ROCK2: variants seen among roughly 807,000 people sequenced by gnomAD.
The protein encoded by ROCK2 is Rho associated coiled-coil containing protein kinase 2.
Under a neutral mutation model 195.1 loss-of-function variants are expected in ROCK2, and 61 were observed. That is an observed-to-expected ratio of 0.31 (90% CI 0.25 to 0.39). ROCK2 has a LOEUF of 0.39. ROCK2 is among the 10% of genes least tolerant of loss of function. The probability of loss-of-function intolerance (pLI) is 1.00; values close to 1 mark genes in which losing one functional copy is unlikely to be tolerated. For synonymous variants in ROCK2, 504 were observed against 545.5 expected (o/e 0.92, Z 1.06); for missense variants, 1,109 against 1,637.4 (o/e 0.68, Z 5.57).
At chr2:11,248,525 T>C (rs370319238) in intron 4 of ROCK2, among the ~76,000 whole-genome samples, 1 of 151,640 alleles carries the variant, frequency 6.6e-6, no homozygotes, top group South Asian at 2.1e-4. Flanking sequence ...CTGGCCAACA[T>C]GGCAAAAACC....
intron 30 of ROCK2, 79 bp downstream of exon 30, chr2:11,193,700 T>C (rs1663519389): frequency 1.4e-6 from 1 of 730,090 alleles, no homozygotes; most frequent in African/African-American, 1.8e-5. Flanking sequence ...ATTTAACATG[T>C]CATGTCACTT....
At chr2:11,285,053 G>A (rs1234411586) in intron 3 of ROCK2, among the ~76,000 whole-genome samples, 8 of 151,958 alleles carry the variant, frequency 5.3e-5, no homozygotes, top group African/African-American at 1.7e-4. Flanking sequence ...ACCTGAGGTC[G>A]GGAGTTCAAG....
At chr2:11,270,382 G>A (rs1039857727) in intron 3 of ROCK2, among the ~76,000 whole-genome samples, 1 of 152,056 alleles carries the variant, frequency 6.6e-6, no homozygotes, top group Admixed American at 6.5e-5. Flanking sequence ...GGGCTTTCTG[G>A]ATCTGTGGTT....
intron 5 of ROCK2, among the ~76,000 whole-genome samples, chr2:11,231,817 T>A (rs1313187333): frequency 6.6e-6 from 1 of 152,214 alleles, no homozygotes. Context: ...ATTTTAGTCC[T>A]TGTAAGTTTA....
At chr2:11,244,110 C>T (rs1572294949) in intron 4 of ROCK2, among the ~76,000 whole-genome samples, 2 of 152,086 alleles carry the variant, frequency 1.3e-5, no homozygotes, top group East Asian at 1.9e-4. Context: ...ATTGTGGACC[C>T]CAGTTGAGCA....
intron 1 of ROCK2, among the ~76,000 whole-genome samples, chr2:11,299,954 T>G (rs1667654596): frequency 6.6e-6 from 1 of 152,168 alleles, no homozygotes; most frequent in Non-Finnish European, 1.5e-5. Flanking sequence ...CTGTCTCTCT[T>G]TTGTCCACTC....
At chr2:11,212,974 CCTTTATT>C (rs1395279331) in intron 17 of ROCK2, among the ~76,000 whole-genome samples, 2 of 152,156 alleles carry the variant, frequency 1.3e-5, no homozygotes, top group African/African-American at 4.8e-5. Context: ...AGCTATTTTT[CCTTTATT>C]CTTTATTAAC....
chr2:11,340,926 G>C (rs941316141), intron 1 of ROCK2, among the ~76,000 whole-genome samples: 1 of 152,078 alleles, frequency 6.6e-6, no homozygotes, highest in African/African-American at 2.4e-5. Flanking sequence ...AAAAAGCACA[G>C]ACCTTTAGAA....
At chr2:11,212,723 T>C (rs1414125724) in intron 17 of ROCK2, among the ~76,000 whole-genome samples, 1 of 151,458 alleles carries the variant, frequency 6.6e-6, no homozygotes, top group Non-Finnish European at 1.5e-5. Context: ...TCAAACCACA[T>C]AATCCACCAA....
At chr2:11,309,055 C>G in intron 1 of ROCK2, 1 of 1,474,026 alleles carries the variant, frequency 6.8e-7, no homozygotes, top group Non-Finnish European at 9.1e-7. Context: ...GTACCCAGAC[C>G]AGTAGGCCGG....
At chr2:11,327,218 G>A (rs142847479) in intron 1 of ROCK2, among the ~76,000 whole-genome samples, 172 of 152,268 alleles carry the variant, frequency 1.1e-3, no homozygotes, top group African/African-American at 3.8e-3. Flanking sequence ...AGTTTAAAGT[G>A]ATGGAAAATG....
chr2:11,290,864 T>G (rs191542990), intron 1 of ROCK2, among the ~76,000 whole-genome samples: 168 of 152,114 alleles, frequency 1.1e-3, no homozygotes, highest in Non-Finnish European at 2.9e-4. Context: ...TGCCCAAGTT[T>G]CATATGAATC....
In ROCK2 at chr2:11,208,456, A is replaced by G. The variant is rs746002920; in HGVS notation, c.2204-9T>C. On this transcript the variant is annotated splice_polypyrimidine_tract_variant and intron_variant, in intron 18 of 32. Transcript: ENST00000315872. Reference sequence around the variant, plus strand: ...GAGCTTCTTCTCCATTTCTAGTATAATAAAAATGGACACAATCATAAATTT... The same window carrying G: ...GAGCTTCTTCTCCATTTCTAGTATAGTAAAAATGGACACAATCATAAATTT... 2.1e-6 allele frequency: 3 copies of G among 1,431,064 alleles called. No homozygotes were observed. Among genetic ancestry groups the G allele is most frequent in the East Asian group, 2.4e-5 (1 of 41,418 alleles). The allele number at this position is 1,431,064 out of a possible 1,614,324, so 88.6% of individuals were successfully genotyped here.
intron 4 of ROCK2, among the ~76,000 whole-genome samples, chr2:11,238,209 A>AGAGTGTGTGTGT (rs1553303927): frequency 3.0e-5 from 4 of 135,266 alleles, no homozygotes; most frequent in Non-Finnish European, 6.2e-5. Context: ...ATTGAGAAAG[A>AGAGTGTGTGTGT]GTGTGTGTGT....
At chr2:11,282,749 C>G (rs1399210213) in intron 3 of ROCK2, among the ~76,000 whole-genome samples, 2 of 151,992 alleles carry the variant, frequency 1.3e-5, no homozygotes, top group Non-Finnish European at 2.9e-5. Context: ...AACTGATAAC[C>G]TGAACTTCAC....
intron 1 of ROCK2, among the ~76,000 whole-genome samples, chr2:11,319,012 T>C (rs1259032804): frequency 6.6e-6 from 1 of 152,238 alleles, no homozygotes; most frequent in Non-Finnish European, 1.5e-5. Flanking sequence ...TGTAGCCTTG[T>C]AGTATAGTTT....
At chr2:11,279,820 T>A (rs1299425259) in intron 3 of ROCK2, among the ~76,000 whole-genome samples, 2 of 152,222 alleles carry the variant, frequency 1.3e-5, no homozygotes. Context: ...ATAGAAATCA[T>A]ACTGTGTCTA....
intron 1 of ROCK2, among the ~76,000 whole-genome samples, chr2:11,289,785 T>C (rs1214042966): frequency 6.6e-6 from 1 of 152,216 alleles, no homozygotes; most frequent in African/African-American, 2.4e-5. Flanking sequence ...GATGGGATTA[T>C]GTGAAGATTA....
intron 1 of ROCK2, among the ~76,000 whole-genome samples, chr2:11,293,290 T>C (rs150085033): frequency 2.0e-5 from 3 of 152,308 alleles, no homozygotes; most frequent in Admixed American, 6.5e-5. Context: ...AGCAGTAACT[T>C]TGAGGAGAAA....
Sources: allele counts gnomAD v4.1 joint callset (sites outside exome capture counted in the v4.1 genomes callset), GRCh38; gene constraint gnomAD v4.1.1; transcripts MANE v1.5; gene names NCBI Gene and HGNC (gene_info 2026-07-23, HGNC 2026-07-21).